The following GNB1L variants were observed in gnomAD, a reference collection of about 807,000 sequenced individuals.
The protein encoded by GNB1L is G protein subunit beta 1 like, also known as guanine nucleotide-binding protein subunit beta-like protein 1.
A neutral mutation model predicts 29.1 loss-of-function variants in GNB1L; 20 were observed. That is an observed-to-expected ratio of 0.69 (90% CI 0.48 to 1.00). GNB1L has a LOEUF of 1.00. Among genes scored for constraint, GNB1L ranks in the 50% least tolerant of loss-of-function variants. The pLI is 0.00. For synonymous variants in GNB1L, 193 were observed against 206.5 expected, an observed-to-expected ratio of 0.93 and a Z score of 0.56; for missense variants, 421 against 464.9, an observed-to-expected ratio of 0.91 and a Z score of 0.87.
intron 2 of GNB1L, among the ~76,000 whole-genome samples, chr22:19,837,263 G>T (rs1412767456): frequency 1.3e-5 from 2 of 152,148 alleles, no homozygotes; most frequent in African/African-American, 2.4e-5. Flanking sequence ...ACCACGCCCG[G>T]CCTGAAAAGA....
intron 7 of GNB1L, among the ~76,000 whole-genome samples, chr22:19,799,677 C>T (rs545782332): frequency 6.6e-6 from 1 of 152,190 alleles, no homozygotes; most frequent in Non-Finnish European, 1.5e-5. Context: ...GGGACACAGC[C>T]GTGCCCACGT....
Position 19,783,529 on chromosome 22 carries a change from GAC to G in GNB1L, c.*5178_*5179del. 5.3e-6 allele frequency: 1 copy of G among 190,154 alleles called. No individual in the cohort carries two copies. The highest frequency in any genetic ancestry group is 1.1e-5 in the Non-Finnish European group (1 of 90,486). 11.8% of individuals were successfully genotyped at this position (190,154 alleles called of 1,614,324 possible). A position where few individuals can be genotyped will look rare whatever the true frequency, so the allele number is the denominator to read the frequency against. ...CATGCCACTGCACTCCAGCCTGGGTGACAGAGTGAGACCCCCACTGTCCCTGG... is the reference window on the plus strand; with the variant it reads ...CATGCCACTGCACTCCAGCCTGGGTGAGAGTGAGACCCCCACTGTCCCTGG... On this transcript the variant is annotated 3_prime_UTR_variant, in exon 8 of 8. Transcript: ENST00000329517.
At position 19,821,350 on chromosome 22, in the gene GNB1L, C is replaced by T. The variant is rs761329799; in HGVS notation, c.6G>A (p.Thr2=). ...CTGGAGGTGGCGGCGGGCAGGGGGC[C>T]GTCATGCTGGGCAGGATGCAGTTAC... is the stretch of plus-strand genomic sequence containing the variant. M[T]APCPPPPPDP... The change falls in exon 3 of 8, where the codon ACG becomes ACA. Residue 2 remains threonine, a synonymous_variant. Transcript: ENST00000329517. 47 of 1,612,070 alleles carry T rather than the reference C, an allele frequency of 2.9e-5. No homozygotes were observed. Among genetic ancestry groups the T allele is most frequent in the South Asian group, 1.1e-4 (10 of 91,056 alleles).
intron 5 of GNB1L, among the ~76,000 whole-genome samples, chr22:19,808,813 G>A (rs1018653654): frequency 1.3e-5 from 2 of 152,222 alleles, no homozygotes; most frequent in African/African-American, 4.8e-5. Context: ...TAGCCCATGT[G>A]CCACCTCTGT....
chr22:19,820,677 C>G lies in GNB1L; in HGVS notation c.175G>C (p.Ala59Pro). 6.2e-7 allele frequency: 1 copy of G among 1,613,670 alleles called. No homozygotes were observed. The highest frequency in any genetic ancestry group is 8.5e-7 in the Non-Finnish European group (1 of 1,179,928). Residue 59 changes from alanine to proline, a missense_variant, in exon 4 of 8, where the codon GCG (alanine) becomes CCG (proline). Transcript: ENST00000329517. ...CCGTGGCCATCCAGGGTGGTAACCG[C>G]TCTCCGCGTCTGCAGGCTCCAGATG... ...VHIWSLQTRRAVTTLDGHGGQ... is the reference protein window; with the variant it reads ...VHIWSLQTRRPVTTLDGHGGQ...
intron 2 of GNB1L, chr22:19,851,811 G>T (rs143994976): frequency 9.9e-6 from 16 of 1,613,968 alleles, no homozygotes; most frequent in Non-Finnish European, 1.2e-5. Context: ...GCCCAGGCCT[G>T]GGCTCGGCCT....
chr22:19,826,569 G>A (rs998693573), intron 2 of GNB1L, among the ~76,000 whole-genome samples: 2 of 152,176 alleles, frequency 1.3e-5, no homozygotes, highest in African/African-American at 4.8e-5. Context: ...GAGAGCAAGG[G>A]AGATGAAACA....
Position 19,821,346 on chromosome 22 carries a change from G to A in GNB1L, c.10C>T (p.Pro4Ser), listed in dbSNP as rs1937577659. ...GGGTCTGGAGGTGGCGGCGGGCAGG[G>A]GGCCGTCATGCTGGGCAGGATGCAG... MTA[P>S]CPPPPPDPQF... Residue 4 changes from proline to serine, a missense_variant, in exon 3 of 8, where the codon CCC becomes TCC. By Grantham distance (74) the Pro-to-Ser change is moderately conservative (BLOSUM62 -1). Coordinates refer to ENST00000329517, the MANE Select transcript of GNB1L (RefSeq NM_053004.3). 1 of 1,612,448 alleles carries A rather than the reference G, an allele frequency of 6.2e-7. No individual in the cohort carries two copies. Among genetic ancestry groups the A allele is most frequent in the South Asian group, 1.1e-5 (1 of 91,076 alleles).
chr22:19,849,556 T>G (rs1938047057), intron 2 of GNB1L: 1 of 409,410 alleles, frequency 2.4e-6, no homozygotes, highest in African/African-American at 2.2e-5. Flanking sequence ...TTAGGAGAGA[T>G]GGATTTCTCC....
In GNB1L at chr22:19,788,485, A is replaced by C; in HGVS notation, c.*224T>G. On this transcript the variant is annotated 3_prime_UTR_variant, in exon 8 of 8. Transcript: ENST00000329517. ...GCAGGCCCAAGCCAACGTCTCCTGC[A>C]GGCCTCGGACGGCCAGGGCTCTGGC... 1.5e-6 allele frequency: 1 copy of C among 648,688 alleles called. No individual in the cohort carries two copies. Among genetic ancestry groups the C allele is most frequent in the South Asian group, 1.7e-5 (1 of 57,326 alleles). 40.2% of individuals were successfully genotyped at this position (648,688 alleles called of 1,614,324 possible). A position where few individuals can be genotyped will look rare whatever the true frequency, so the allele number is the denominator to read the frequency against.
In GNB1L at chr22:19,816,622, C is replaced by T. The variant is rs909945797; in HGVS notation, c.254+3976G>A. ...CATGCACACAACACACAATCACACACACCACACACCTCATACACACCTCAC... is the reference window on the plus strand; with the variant it reads ...CATGCACACAACACACAATCACACATACCACACACCTCATACACACCTCAC... On this transcript the variant is annotated intron_variant, in intron 4 of 7. Transcript: ENST00000329517. The surrounding 1 kb of genome is among the most constrained non-coding windows in gnomAD (Gnocchi z 4.4). Among the ~76,000 whole-genome samples, 2 of 152,156 alleles carry T rather than the reference C, an allele frequency of 1.3e-5. No individual in the cohort carries two copies. The highest frequency in any genetic ancestry group is 4.8e-5 in the African/African-American group (2 of 41,430).
At chr22:19,808,778 G>A (rs1937465377) in intron 5 of GNB1L, among the ~76,000 whole-genome samples, 1 of 152,230 alleles carries the variant, frequency 6.6e-6, no homozygotes, top group African/African-American at 2.4e-5. Flanking sequence ...AGAGGCACCA[G>A]GGCGGCCTGC....
chr22:19,801,953 T>C (rs1937377223), intron 7 of GNB1L, 48 bp downstream of exon 7: 3 of 1,397,200 alleles, frequency 2.1e-6, no homozygotes, highest in Non-Finnish European at 3.0e-6. Flanking sequence ...CCTATCAGAC[T>C]GTTAGTGCAG....
At chr22:19,851,410 A>G in intron 2 of GNB1L, 1 of 1,614,078 alleles carries the variant, frequency 6.2e-7, no homozygotes, top group Non-Finnish European at 8.5e-7. Flanking sequence ...CTGGTTCCAC[A>G]GGACCAGGCT....
chr22:19,838,844 T>C (rs1377851919), intron 2 of GNB1L, among the ~76,000 whole-genome samples: 1 of 152,220 alleles, frequency 6.6e-6, no homozygotes. Context: ...TGAAAACTTA[T>C]ATGCAAACAA....
intron 2 of GNB1L, among the ~76,000 whole-genome samples, chr22:19,845,569 T>C (rs1937942814): frequency 6.6e-6 from 1 of 152,200 alleles, no homozygotes; most frequent in African/African-American, 2.4e-5. Context: ...CCCAGCCCTG[T>C]GCTGGGGGTG....
At chr22:19,823,665 G>C (rs1043066353) in intron 2 of GNB1L, among the ~76,000 whole-genome samples, 1 of 152,164 alleles carries the variant, frequency 6.6e-6, no homozygotes, top group Admixed American at 6.5e-5. Flanking sequence ...GCTCCCCTGT[G>C]CAGTCCAGGC....
intron 2 of GNB1L, among the ~76,000 whole-genome samples, chr22:19,842,699 G>A (rs114062965): frequency 7.9e-5 from 12 of 152,302 alleles, no homozygotes; most frequent in Admixed American, 2.6e-4. Flanking sequence ...TGCCACTCAC[G>A]GCCACAAAGG....
intron 7 of GNB1L, chr22:19,792,538 A>G: frequency 6.5e-7 from 1 of 1,545,680 alleles, no homozygotes. Flanking sequence ...GCAATTAACC[A>G]GTTCACCTAG....
Sources: allele counts gnomAD v4.1 joint callset (sites outside exome capture counted in the v4.1 genomes callset), GRCh38; gene constraint gnomAD v4.1.1; non-coding constraint Gnocchi (gnomAD v3.1); transcripts MANE v1.5; gene names NCBI Gene and HGNC (gene_info 2026-07-23, HGNC 2026-07-21).